The following TPR variants were observed in gnomAD, a reference collection of about 807,000 sequenced individuals.
TPR encodes the protein translocated promoter region, nuclear basket protein.
TPR carries 51 observed loss-of-function variants against 316.1 expected under a neutral mutation model. The ratio of observed to expected loss-of-function variants is 0.16; its 90% CI spans 0.13 to 0.20. TPR has a LOEUF of 0.20. Ranked by LOEUF, TPR falls within the 10% of genes least tolerant of loss-of-function variation. The pLI is 1.00. For synonymous variants in TPR, 981 were observed against 914.7 expected (o/e 1.07, Z -1.31); for missense variants, 2,272 against 2,754.8 (o/e 0.82, Z 3.92).
chr1:186,361,546 T>A, intron 9 of TPR, 76 bp downstream of exon 9: 4 of 1,418,744 alleles, frequency 2.8e-6, no homozygotes, highest in Non-Finnish European at 2.9e-6. Context: ...AATCCAATCA[T>A]CTATACAAAA....
chr1:186,362,755 C>A, intron 6 of TPR, 82 bp downstream of exon 6: 1 of 1,241,958 alleles, frequency 8.1e-7, no homozygotes, highest in South Asian at 1.6e-5. Flanking sequence ...CAGGTACACA[C>A]TACTGAATAC....
intron 22 of TPR, 48 bp downstream of exon 22, chr1:186,347,244 G>A (rs751165475): frequency 5.0e-6 from 8 of 1,593,700 alleles, no homozygotes; most frequent in Non-Finnish European, 6.9e-6. Context: ...TAAAAACAAA[G>A]TTAACAAATG....
chr1:186,343,413 A>T lies in TPR; in HGVS notation c.3663T>A (p.Ser1221Arg). The change falls in exon 27 of 51, where the codon AGT (serine) becomes AGA (arginine). Residue 1221 changes from serine to arginine, a missense_variant. Ser to Arg is a moderately radical substitution (Grantham distance 110). This residue lies in a region of TPR where 757 missense variants were observed against 859.8 expected (regional missense o/e 0.88). Transcript: ENST00000367478. ...ETRFEVAQVE[S>R]LRYRQRVELL... ...GTTCAACCCTTTGTCGATAACGCAGACTCTCAACCTGAGCCACCTCAAACC... is the reference window on the plus strand; with the variant it reads ...GTTCAACCCTTTGTCGATAACGCAGTCTCTCAACCTGAGCCACCTCAAACC... 6.2e-7 allele frequency: 1 copy of T among 1,613,976 alleles called. No homozygotes were observed. The highest frequency in any genetic ancestry group is 8.5e-7 in the Non-Finnish European group (1 of 1,179,936).
At chr1:186,369,002 G>T (rs3115753) in intron 3 of TPR, among the ~76,000 whole-genome samples, 1 of 152,124 alleles carries the variant, frequency 6.6e-6, no homozygotes, top group Non-Finnish European at 1.5e-5. Flanking sequence ...CCATTAATGA[G>T]GAGACGATCA....
chr1:186,341,473 T>A, intron 27 of TPR, 84 bp from the exon 28 acceptor site: 6 of 1,376,946 alleles, frequency 4.4e-6, no homozygotes, highest in Non-Finnish European at 5.8e-6. Flanking sequence ...ATCCTCCCTA[T>A]GACAAAATAA....
chr1:186,361,596 A>G (rs1659189681), intron 9 of TPR, 26 bp downstream of exon 9: 1 of 1,604,892 alleles, frequency 6.2e-7, no homozygotes, highest in African/African-American at 1.3e-5. Flanking sequence ...AACAAAAATA[A>G]TGTTCCCATA....
intron 1 of TPR, 81 bp from the exon 2 acceptor site, chr1:186,373,544 A>T: frequency 2.5e-6 from 2 of 801,906 alleles, no homozygotes; most frequent in Non-Finnish European, 3.9e-6. Context: ...ATTTCTAATA[A>T]CCTTGATTTT....
chr1:186,339,400 T>C lies in TPR; in HGVS notation c.4151+242A>G, dbSNP rs553917508. On this transcript the variant is annotated intron_variant, in intron 30 of 50. Coordinates refer to ENST00000367478, the MANE Select transcript of TPR (RefSeq NM_003292.3). Reference sequence around the variant, plus strand: ...GTAAATTTAGCTTTAGACTTCTGAGTAGCTCTTTAAAAAATAAAATATAGA... The same window carrying C: ...GTAAATTTAGCTTTAGACTTCTGAGCAGCTCTTTAAAAAATAAAATATAGA... Among the ~76,000 whole-genome samples the C allele has an allele frequency of 1.7e-3, 241 of 139,762 alleles. 2 individuals carry two copies. The highest frequency in any genetic ancestry group is 6.3e-4 in the Non-Finnish European group (40 of 63,574). 91.7% of individuals were successfully genotyped at this position (139,762 alleles called of 152,430 possible).
intron 29 of TPR, among the ~76,000 whole-genome samples, chr1:186,340,359 C>A (rs186914541): frequency 6.6e-6 from 1 of 152,210 alleles, no homozygotes; most frequent in Admixed American, 6.5e-5. Flanking sequence ...ATGGTTTCAT[C>A]TCCCTAAAAA....
rs542659880 is a variant in TPR at position 186,319,640 on chromosome 1, T to C, written c.6568+672A>G. On this transcript the variant is annotated intron_variant, in intron 46 of 50. Transcript: ENST00000367478. The stretch of plus-strand genomic sequence containing the variant: ...CTAAACAAGCAGATGTTACATTACA[T>C]GACTTTTATGATGGCTAAAGATTGA... Among the ~76,000 whole-genome samples, 17 of 152,306 alleles carry C rather than the reference T, an allele frequency of 1.1e-4. No homozygotes were observed. The South Asian group carries it at 2.9e-3, about 26-fold the overall frequency.
At chr1:186,345,116 T>C (rs952777245) in intron 24 of TPR, among the ~76,000 whole-genome samples, 1 of 130,620 alleles carries the variant, frequency 7.7e-6, no homozygotes, top group Admixed American at 7.9e-5. Flanking sequence ...CAATACTGTG[T>C]GCACATACAT....
intron 3 of TPR, 99 bp from the exon 4 acceptor site, chr1:186,368,081 ATGAC>A: frequency 2.9e-6 from 2 of 698,014 alleles, no homozygotes; most frequent in Non-Finnish European, 4.7e-6. Flanking sequence ...TGTAGTGTAA[ATGAC>A]TGGCTTTCTC....
At position 186,367,879 on chromosome 1, in the gene TPR, T is replaced by C. The variant is rs754564075; in HGVS notation, c.427+7A>G. 32 of 1,593,982 alleles carry C rather than the reference T, an allele frequency of 2.0e-5. No individual in the cohort carries two copies. In the South Asian group the frequency reaches 3.1e-4, roughly 15 times the overall value. ...TGGAGCTAAAAGCTACAAGCACTTC[T>C]TCATACCTGTTAAGTATTCAAGTTC... is the stretch of plus-strand genomic sequence containing the variant. On this transcript the variant is annotated splice_region_variant and intron_variant, in intron 4 of 50. Coordinates refer to ENST00000367478, the MANE Select transcript of TPR (RefSeq NM_003292.3).
chr1:186,368,641 G>T (rs1269293489), intron 3 of TPR, among the ~76,000 whole-genome samples: 1 of 152,214 alleles, frequency 6.6e-6, no homozygotes, highest in Admixed American at 6.5e-5. Flanking sequence ...CTGCTTCCCA[G>T]CAAAACAATG....
intron 49 of TPR, among the ~76,000 whole-genome samples, chr1:186,315,544 T>C (rs974355727): frequency 1.3e-5 from 2 of 152,126 alleles, no homozygotes; most frequent in Non-Finnish European, 2.9e-5. Flanking sequence ...ATTACTATCT[T>C]TTCCTGACTT....
At chr1:186,315,230 AAAAAAAAAACACC>A (rs1557979174) in intron 49 of TPR, among the ~76,000 whole-genome samples, 1 of 145,386 alleles carries the variant, frequency 6.9e-6, no homozygotes, top group African/African-American at 2.6e-5. Context: ...ACAAACAAAC[AAAAAAAAAACACC>A]AAAAAAAAAC....
At chr1:186,354,884 T>C (rs1288296824) in intron 17 of TPR, among the ~76,000 whole-genome samples, 2 of 148,288 alleles carry the variant, frequency 1.3e-5, no homozygotes, top group African/African-American at 4.9e-5. Context: ...ATTCCTCACA[T>C]GAACTTCAAC....
chr1:186,335,266 T>TATCA, intron 34 of TPR, 72 bp downstream of exon 34: 1 of 1,578,956 alleles, frequency 6.3e-7, no homozygotes, highest in African/African-American at 1.4e-5. Context: ...AAGGCTCCTA[T>TATCA]ATCACCAAGC....
rs1204618749 is a variant in TPR, at chr1:186,347,310, G to A, written c.2925C>T (p.Ser975=). 1.2e-6 allele frequency: 2 copies of A among 1,612,806 alleles called. No homozygotes were observed. Among genetic ancestry groups the A allele is most frequent in the Non-Finnish European group, 1.7e-6 (2 of 1,179,492 alleles). ...YQAMVTSLEE[S]LNKEKQVTEE... The stretch of plus-strand genomic sequence containing the variant: ...TACATACCTGTTTTTCCTTGTTCAG[G>A]GATTCTTCTAAACTAGTAACCATTG... Residue 975 remains serine (S), a synonymous_variant, in exon 22 of 51, where the codon TCC becomes TCT. Coordinates refer to ENST00000367478, the MANE Select transcript of TPR (RefSeq NM_003292.3).
Sources: allele counts gnomAD v4.1 joint callset (sites outside exome capture counted in the v4.1 genomes callset), GRCh38; gene constraint gnomAD v4.1.1; regional missense constraint gnomAD v4.1.1; transcripts MANE v1.5; gene names NCBI Gene and HGNC (gene_info 2026-07-23, HGNC 2026-07-21).